PKD1: variants seen among roughly 807,000 people sequenced by gnomAD.
The protein encoded by PKD1 is polycystin-1.
In PKD1, 81 loss-of-function variants were observed where a neutral mutation model predicts 361.7. The ratio of observed to expected loss-of-function variants is 0.22; its 90% CI spans 0.19 to 0.27. PKD1 has a LOEUF of 0.27. PKD1 is among the 10% of genes least tolerant of loss of function. The probability of loss-of-function intolerance (pLI) is 1.00; values close to 1 mark genes in which losing one functional copy is unlikely to be tolerated. For synonymous variants in PKD1, 3,615 were observed against 2,818.3 expected (o/e 1.28, Z -8.95); for missense variants, 6,399 against 6,118.3 (o/e 1.05, Z -1.53).
chr16:2,091,451 G>A lies in PKD1; in HGVS notation c.11684C>T (p.Ala3895Val), dbSNP rs1251469390. 8.1e-7 allele frequency: 1 copy of A among 1,232,420 alleles called. No homozygotes were observed. Among genetic ancestry groups the A allele is most frequent in the Non-Finnish European group, 1.0e-6 (1 of 985,038 alleles). The allele number at this position is 1,232,420 out of a possible 1,614,324, so 76.3% of individuals were successfully genotyped here. Residue 3895 changes from alanine (A) to valine (V), a missense_variant, in exon 42 of 46, where the codon GCG (alanine) becomes GTG (valine). Coordinates refer to ENST00000262304, the MANE Select transcript of PKD1 (RefSeq NM_001009944.3). ...GGTGAGCAGAGGCAGCGAGAGGCCCGCGCTGAGGCGGCGCAGCGCAAAGGG... is the reference window on the plus strand; with the variant it reads ...GGTGAGCAGAGGCAGCGAGAGGCCCACGCTGAGGCGGCGCAGCGCAAAGGG... ...VRPFALRRLS[A>V]GLSLPLLTSV...
At chr16:2,116,801 C>T (rs1271919798) in intron 7 of PKD1, 32 bp downstream of exon 7, 16 of 1,324,374 alleles carry the variant, frequency 1.2e-5, no homozygotes, top group Non-Finnish European at 1.7e-5. Context: ...CCACAGCCAG[C>T]GTCTCAGGCC....
At position 2,119,296 on chromosome 16, in the gene PKD1, G is replaced by T. The variant is rs895464107; in HGVS notation, c.287+11C>A. 8.9e-7 allele frequency: 1 copy of T among 1,121,090 alleles called. No homozygotes were observed. Among genetic ancestry groups the T allele is most frequent in the Non-Finnish European group, 1.3e-6 (1 of 769,328 alleles). 69.4% of individuals were successfully genotyped at this position (1,121,090 alleles called of 1,614,324 possible). Reference sequence around the variant, plus strand: ...GAGCCCCGCATGCTGGCACGACTGGGGGACACTCACAGCTCTGCCAGCGCC... The same window carrying T: ...GAGCCCCGCATGCTGGCACGACTGGTGGACACTCACAGCTCTGCCAGCGCC... On this transcript the variant is annotated intron_variant, in intron 2 of 45. Transcript: ENST00000262304.
chr16:2,107,993 C>T lies in PKD1; in HGVS notation c.6955G>A (p.Gly2319Arg), dbSNP rs749129863. ...CGTGGAATGGTGACCGTGCTGCTCCCGCGGGGCCCAAAGTTCAGCGCACAC... is the reference window on the plus strand; with the variant it reads ...CGTGGAATGGTGACCGTGCTGCTCCTGCGGGGCCCAAAGTTCAGCGCACAC... ...GGCALNFGPR[G>R]SSTVTIPRER... Residue 2319 changes from glycine (G) to arginine (R), a missense_variant, in exon 16 of 46, where the codon GGG becomes AGG. Transcript: ENST00000262304. The T allele has an allele frequency of 4.5e-6, 7 of 1,548,232 alleles. No homozygotes were observed. The highest frequency in any genetic ancestry group is 6.1e-6 in the Non-Finnish European group (7 of 1,147,150).
chr16:2,090,243 G>T lies in PKD1; in HGVS notation c.12444+42C>A, dbSNP rs747143627. On this transcript the variant is annotated intron_variant, in intron 45 of 45. Transcript: ENST00000262304. The stretch of plus-strand genomic sequence containing the variant: ...TCAGTCCGGCTGCACCCTGGGCAGA[G>T]CCCAGGGCGTGTCCCTCTCCCCCCC... 4 of 1,609,080 alleles carry T rather than the reference G, an allele frequency of 2.5e-6. No individual in the cohort carries two copies. The African/African-American group carries it at 5.3e-5, about 22-fold the overall frequency.
intron 13 of PKD1, 38 bp from the exon 14 acceptor site, chr16:2,112,511 A>G: frequency 7.1e-7 from 1 of 1,416,270 alleles, no homozygotes; most frequent in Non-Finnish European, 9.6e-7. Flanking sequence ...GAACCGGGAC[A>G]GGGGTGGGCG....
chr16:2,107,524 G>A (rs1012817984), intron 16 of PKD1: 27 of 404,424 alleles, frequency 6.7e-5, no homozygotes, highest in African/African-American at 2.4e-4. Flanking sequence ...CCTCCTGGCC[G>A]GTCCAGAGAG....
intron 32 of PKD1, 66 bp downstream of exon 32, chr16:2,097,662 G>T: frequency 6.2e-7 from 1 of 1,610,672 alleles, no homozygotes. Context: ...CACGCAGCCC[G>T]CACACCCCCG....
rs562488184 is a variant in PKD1, at chr16:2,090,734, G to A, written c.12078C>T (p.Leu4026=). Residue 4026 remains leucine, a synonymous_variant, in exon 44 of 46, where the codon CTC becomes CTT. Transcript: ENST00000262304. ...CCACCAGGCCCAAGGTGACCCCCAG[G>A]AGCTCTGGCAGAGCTCGGCATAATG... is the stretch of plus-strand genomic sequence containing the variant. ...GKTLCRALPE[L]LGVTLGLVVL... The A allele has an allele frequency of 1.7e-4, 277 of 1,612,658 alleles. 1 individual carries two copies. The highest frequency in any genetic ancestry group is 1.7e-3 in the South Asian group (156 of 91,090).
rs2151814366 is a variant in PKD1, at chr16:2,114,797, G to A, written c.2226C>T (p.Tyr742=). The stretch of plus-strand genomic sequence containing the variant: ...GCCATGACGAGGCGTTGGCGGAGAG[G>A]TACGGGGCCCGGGGACCAGGGTGGC... ...APGHPGPRAP[Y]LSANASSWLP... The change falls in exon 11 of 46, where the codon TAC becomes TAT. Residue 742 remains tyrosine, a synonymous_variant. Coordinates refer to ENST00000262304, the MANE Select transcript of PKD1 (RefSeq NM_001009944.3). 1.9e-6 allele frequency: 2 copies of A among 1,054,298 alleles called. No homozygotes were observed. Among genetic ancestry groups the A allele is most frequent in the African/African-American group, 1.6e-5 (1 of 62,924 alleles). The allele number at this position is 1,054,298 out of a possible 1,614,324, so 65.3% of individuals were successfully genotyped here.
rs765548935 is a variant in PKD1, at chr16:2,111,210, C to T, written c.3957G>A (p.Gly1319=). 2 of 1,611,214 alleles carry T rather than the reference C, an allele frequency of 1.2e-6. No individual in the cohort carries two copies. The highest frequency in any genetic ancestry group is 1.1e-5 in the South Asian group (1 of 91,020). ...PDARLTAYVT[G]NPAHYLFDWT... The stretch of plus-strand genomic sequence containing the variant: ...AGTCGAAGAGGTAGTGGGCCGGGTT[C>T]CCGGTGACGTAGGCCGTGAGCCGCG... Residue 1319 remains glycine (G), a synonymous_variant, in exon 15 of 46, where the codon GGG becomes GGA. Coordinates refer to ENST00000262304, the MANE Select transcript of PKD1 (RefSeq NM_001009944.3).
Position 2,091,584 on chromosome 16 carries a change from A to G in PKD1, c.11551T>C (p.Phe3851Leu). The stretch of plus-strand genomic sequence containing the variant: ...GGGCTGTAGCGCGTGAGCTCCAGGA[A>G]CACAGCGCGGCTCCTGCGCAGAGGG... Reference protein sequence around the residue: ...NWLDNRSRAVFLELTRYSPAV... With the variant: ...NWLDNRSRAVLLELTRYSPAV... The change falls in exon 42 of 46, where the codon TTC becomes CTC. Residue 3851 changes from phenylalanine to leucine, a missense_variant. Phe to Leu is a conservative substitution (Grantham distance 22). Coordinates refer to ENST00000262304, the MANE Select transcript of PKD1 (RefSeq NM_001009944.3). 6.4e-7 allele frequency: 1 copy of G among 1,554,822 alleles called. No individual in the cohort carries two copies.
Position 2,114,108 on chromosome 16 carries a change from G to A in PKD1, c.2853+62C>T, listed in dbSNP as rs889178235. 1,398 of 1,420,448 alleles carry A rather than the reference G, an allele frequency of 9.8e-4. 3 individuals are homozygous for A. Among genetic ancestry groups the A allele is most frequent in the Non-Finnish European group, 1.3e-3 (1,309 of 1,022,686 alleles). 88.0% of individuals were successfully genotyped at this position (1,420,448 alleles called of 1,614,324 possible). ...TGGGAAGCCAGGCCTCACGCCCTGT[G>A]TGAGCACCCTGTCTGCAGGCACCTG... On this transcript the variant is annotated intron_variant, in intron 11 of 45. Transcript: ENST00000262304.
At position 2,113,212 on chromosome 16, in the gene PKD1, C is replaced by G. The variant is rs2092565928; in HGVS notation, c.2934G>C (p.Gln978His). The change falls in exon 12 of 46, where the codon CAG becomes CAC. Residue 978 changes from glutamine to histidine, a missense_variant. By Grantham distance (24) the Gln-to-His change is conservative. Transcript: ENST00000262304. ...TINDKQSLTFQNVVFNVIYQS... is the reference protein window; with the variant it reads ...TINDKQSLTFHNVVFNVIYQS... ...GATAAATGACATTGAAGACCACGTT[C>G]TGGAAGGTCAGGGACTGCTTGTCGT... The G allele has an allele frequency of 2.1e-6, 3 of 1,400,460 alleles. No homozygotes were observed. The highest frequency in any genetic ancestry group is 2.0e-6 in the Non-Finnish European group (2 of 1,002,546). The allele number at this position is 1,400,460 out of a possible 1,614,324, so 86.8% of individuals were successfully genotyped here.
intron 1 of PKD1, among the ~76,000 whole-genome samples, chr16:2,122,956 T>C (rs888151324): frequency 6.6e-6 from 1 of 152,158 alleles, no homozygotes; most frequent in Non-Finnish European, 1.5e-5. Flanking sequence ...CTGAAGATGT[T>C]TGGCCACACC....
chr16:2,103,773 T>C lies in PKD1; in HGVS notation c.8284A>G (p.Ile2762Val). 6.2e-7 allele frequency: 1 copy of C among 1,609,474 alleles called. No individual in the cohort carries two copies. The highest frequency in any genetic ancestry group is 1.1e-5 in the South Asian group (1 of 90,916). The change falls in exon 23 of 46, where the codon ATC becomes GTC. Residue 2762 changes from isoleucine (I) to valine (V), a missense_variant. Coordinates refer to ENST00000262304, the MANE Select transcript of PKD1 (RefSeq NM_001009944.3). ...AYNLTSALMR[I>V]LMRSRVLNEE... ...TTGAGCACGCGGGAGCGCATGAGGA[T>C]GCGCATGAGGGCAGAGGTCAGGTTG...
rs1033065383 is a variant in PKD1, at chr16:2,093,792, C to A, written c.10821+19G>T. The A allele has an allele frequency of 6.4e-7, 1 of 1,553,668 alleles. No individual in the cohort carries two copies. Among genetic ancestry groups the A allele is most frequent in the Non-Finnish European group, 8.7e-7 (1 of 1,152,464 alleles). On this transcript the variant is annotated intron_variant, in intron 36 of 45. Coordinates refer to ENST00000262304, the MANE Select transcript of PKD1 (RefSeq NM_001009944.3). Reference sequence around the variant, plus strand: ...CCCCGTGATGGAGGCCTGTAGCCTACCCCTGGCAGCCCCCTCACCTTCAGT... The same window carrying A: ...CCCCGTGATGGAGGCCTGTAGCCTAACCCTGGCAGCCCCCTCACCTTCAGT...
chr16:2,126,935 G>A (rs780422428), intron 1 of PKD1, among the ~76,000 whole-genome samples: 6 of 152,200 alleles, frequency 3.9e-5, no homozygotes, highest in Non-Finnish European at 8.8e-5. Context: ...AGCGGTGCCC[G>A]GCCACTGTCA....
At chr16:2,116,421 C>A (rs945943116) in intron 8 of PKD1, 108 bp downstream of exon 8, 9 of 659,124 alleles carry the variant, frequency 1.4e-5, no homozygotes, top group Non-Finnish European at 2.7e-6. Flanking sequence ...TGGGCACAAG[C>A]AACATTAAGG....
rs1418213772 is a variant in PKD1 at position 2,114,901 on chromosome 16, G to T, written c.2122C>A (p.Leu708Ile). 1.3e-6 allele frequency: 2 copies of T among 1,530,992 alleles called. No individual in the cohort carries two copies. Among genetic ancestry groups the T allele is most frequent in the East Asian group, 4.8e-5 (2 of 41,284 alleles). 94.8% of individuals were successfully genotyped at this position (1,530,992 alleles called of 1,614,324 possible). A position where few individuals can be genotyped will look rare whatever the true frequency, so the allele number is the denominator to read the frequency against. ...YSVTLHGQDV[L>I]MLPGDLVGLQ... ...CCAACGAGGTCACCAGGGAGCATGA[G>T]GACATCCTGGCCGTGGAGGGTGACC... Residue 708 changes from leucine (L) to isoleucine (I), a missense_variant, in exon 11 of 46, where the codon CTC becomes ATC. Transcript: ENST00000262304.
Sources: gnomAD v4.1 joint callset for allele counts (sites outside exome capture counted in the v4.1 genomes callset) on GRCh38, gnomAD v4.1.1 for gene constraint, MANE v1.5 for transcripts, NCBI Gene and HGNC (gene_info 2026-07-23, HGNC 2026-07-21) for gene names.